Variants in ENKUR observed in about 807,000 individuals in gnomAD.
ENKUR encodes enkurin, TRPC channel interacting protein, also known as enkurin.
ENKUR carries 19 observed loss-of-function variants against 27.6 expected under a neutral mutation model. The ratio of observed to expected loss-of-function variants is 0.69; its 90% CI spans 0.48 to 1.01. The LOEUF (loss-of-function observed/expected upper bound fraction) is 1.01, where lower values mean the gene tolerates loss of function less well. Ranked by LOEUF, ENKUR falls within the 50% of genes least tolerant of loss-of-function variation. ENKUR has a pLI of 0.00. For synonymous variants in ENKUR, 117 were observed against 96.9 expected, an observed-to-expected ratio of 1.21 and a Z score of -1.22; for missense variants, 312 against 310.5, an observed-to-expected ratio of 1.00 and a Z score of -0.04.
At position 25,025,602 on chromosome 10, in the gene ENKUR, C is replaced by G. The variant is rs2132766552; in HGVS notation, c.38-29733G>C. The G allele has an allele frequency of 5.3e-6, 4 of 747,916 alleles. No individual in the cohort carries two copies. In the South Asian group the frequency reaches 7.9e-5, roughly 15 times the overall value. 46.3% of individuals were successfully genotyped at this position (747,916 alleles called of 1,614,324 possible). ...TCAAAAGTCTGATCTCTAGGGCTGA[C>G]ATGAGAACTCCATGTCACCTCCTCA... On this transcript the variant is annotated intron_variant, in intron 2 of 5. Coordinates refer to the ENKUR transcript ENST00000615958.
chr10:25,015,730 C>T (rs1850553658), intron 1 of ENKUR, 130 bp downstream of exon 1: 1 of 823,904 alleles, frequency 1.2e-6, no homozygotes, highest in South Asian at 3.4e-5. Context: ...ACAAGTTATC[C>T]TCCAAGGCTA....
chr10:25,042,379 C>G (rs1851074354), intron 2 of ENKUR, among the ~76,000 whole-genome samples: 1 of 151,842 alleles, frequency 6.6e-6, no homozygotes, highest in Admixed American at 6.6e-5. Context: ...ACTGCAACCT[C>G]CGCCTCCCGG....
intron 1 of ENKUR, among the ~76,000 whole-genome samples, chr10:25,007,117 T>C (rs1027799429): frequency 3.3e-5 from 5 of 152,342 alleles, no homozygotes; most frequent in East Asian, 3.9e-4. Flanking sequence ...CTGTAAAAAT[T>C]TGAGTCATCA....
chr10:25,057,146 A>G (rs1233197504), intron 2 of ENKUR, among the ~76,000 whole-genome samples: 1 of 152,218 alleles, frequency 6.6e-6, no homozygotes, highest in Non-Finnish European at 1.5e-5. Flanking sequence ...ATAATACAAA[A>G]TGTATGTACA....
In ENKUR at chr10:24,997,807, T is replaced by TTATATA. The variant is rs58973955; in HGVS notation, c.223+1588_223+1593dup. 9.0e-4 allele frequency among the ~76,000 whole-genome samples: 131 copies of TTATATA among 144,958 alleles called. 1 individual carries two copies. Among genetic ancestry groups the TTATATA allele is most frequent in the Middle Eastern group, 3.5e-3 (1 of 282 alleles). On this transcript the variant is annotated intron_variant, in intron 2 of 5. Transcript: ENST00000331161. Reference sequence around the variant, plus strand: ...TTTTTTCTTATTTGACACAAAGGATTTATATATATATATATATATGTTTGT... The same window carrying TTATATA: ...TTTTTTCTTATTTGACACAAAGGATTTATATATATATATATATATATATATGTTTGT...
At chr10:25,024,493 CAG>C in intron 2 of ENKUR, 1 of 1,614,148 alleles carries the variant, frequency 6.2e-7, no homozygotes, top group Non-Finnish European at 8.5e-7. Context: ...AATTGGCAGT[CAG>C]AGAGAAAATG....
intron 2 of ENKUR, among the ~76,000 whole-genome samples, chr10:25,032,183 G>A (rs1229512259): frequency 1.3e-5 from 2 of 152,090 alleles, no homozygotes; most frequent in Non-Finnish European, 1.5e-5. Context: ...TCAATTGCTG[G>A]ACTTCACTGT....
intron 2 of ENKUR, chr10:25,024,499 GAAAA>G: frequency 6.2e-7 from 1 of 1,614,212 alleles, no homozygotes. Context: ...CAGTCAGAGA[GAAAA>G]TGGATGGGCA....
At chr10:25,035,690 G>A (rs961575555) in intron 2 of ENKUR, among the ~76,000 whole-genome samples, 1 of 152,168 alleles carries the variant, frequency 6.6e-6, no homozygotes, top group Non-Finnish European at 1.5e-5. Flanking sequence ...GGAATGAACA[G>A]TCAGTAATTT....
intron 3 of ENKUR, among the ~76,000 whole-genome samples, chr10:24,994,043 C>A (rs1170610901): frequency 6.6e-6 from 1 of 152,120 alleles, no homozygotes; most frequent in Non-Finnish European, 1.5e-5. Context: ...CCTGAAGTAA[C>A]TTTATTGGCT....
rs79560443 is a variant in ENKUR at position 24,984,314 on chromosome 10, G to T, written c.*56C>A. ...ACAGTTTAGAGTAGCAAGAAGGCAC[G>T]TGTTACTATTTCCAGTTCAAAATAC... On this transcript the variant is annotated 3_prime_UTR_variant, in exon 6 of 6. Coordinates refer to ENST00000331161, the MANE Select transcript of ENKUR (RefSeq NM_145010.4). The T allele has an allele frequency of 3.2e-3, 5,038 of 1,566,814 alleles. 151 individuals carry two copies. In the African/African-American group the frequency reaches 0.062, roughly 19 times the overall value.
upstream of ENKUR, among the ~76,000 whole-genome samples, chr10:25,018,496 G>C (rs528042542): frequency 6.6e-6 from 1 of 152,244 alleles, no homozygotes; most frequent in South Asian, 2.1e-4. Context: ...AGACGGTACT[G>C]AACAAATATG....
intron 2 of ENKUR, among the ~76,000 whole-genome samples, chr10:25,027,280 C>T (rs184353913): frequency 1.3e-3 from 182 of 138,242 alleles, no homozygotes; most frequent in African/African-American, 4.6e-3. Context: ...GGCATGAACC[C>T]GGGAGGCGGA....
intron 2 of ENKUR, among the ~76,000 whole-genome samples, chr10:25,033,329 A>G (rs1850958045): frequency 1.4e-5 from 2 of 145,572 alleles, no homozygotes; most frequent in Admixed American, 7.2e-5. Flanking sequence ...GCTTGGGCTC[A>G]GGAATTTGAG....
intron 2 of ENKUR, among the ~76,000 whole-genome samples, chr10:25,053,699 T>G (rs1282355897): frequency 6.6e-6 from 1 of 152,198 alleles, no homozygotes; most frequent in Non-Finnish European, 1.5e-5. Context: ...TAATTTTCTG[T>G]TCTTGGTCAC....
chr10:24,996,962 A>G (rs1382095898), intron 2 of ENKUR, among the ~76,000 whole-genome samples: 1 of 152,218 alleles, frequency 6.6e-6, no homozygotes, highest in African/African-American at 2.4e-5. Context: ...TCCTTAGAAG[A>G]GGAAATTTGA....
At chr10:25,011,962 GA>G (rs1337681044) in intron 1 of ENKUR, among the ~76,000 whole-genome samples, 1 of 152,186 alleles carries the variant, frequency 6.6e-6, no homozygotes, top group African/African-American at 2.4e-5. Flanking sequence ...AGACCTAGGA[GA>G]AAAAATGGTT....
chr10:24,993,158 AGAAAG>A (rs753884755), intron 3 of ENKUR, among the ~76,000 whole-genome samples: 23 of 152,308 alleles, frequency 1.5e-4, no homozygotes, highest in Middle Eastern at 3.4e-3. Context: ...GTTTTTAAAA[AGAAAG>A]GGAATGGTGT....
chr10:24,984,191 T>C lies in ENKUR; in HGVS notation c.*179A>G. 3.3e-6 allele frequency: 2 copies of C among 609,130 alleles called. No homozygotes were observed. The highest frequency in any genetic ancestry group is 3.3e-5 in the Admixed American group (1 of 30,166). The allele number at this position is 609,130 out of a possible 1,614,324, so 37.7% of individuals were successfully genotyped here. A position where few individuals can be genotyped will look rare whatever the true frequency, so the allele number is the denominator to read the frequency against. On this transcript the variant is annotated 3_prime_UTR_variant, in exon 6 of 6. Coordinates refer to ENST00000331161, the MANE Select transcript of ENKUR (RefSeq NM_145010.4). Reference sequence around the variant, plus strand: ...CTTTCATCATATACAGTGTTACGAATACTGAAAATATTTCTCACTGGGAAT... The same window carrying C: ...CTTTCATCATATACAGTGTTACGAACACTGAAAATATTTCTCACTGGGAAT...
Sources: allele counts gnomAD v4.1 joint callset (sites outside exome capture counted in the v4.1 genomes callset), GRCh38; gene constraint gnomAD v4.1.1; transcripts MANE v1.5; gene names NCBI Gene and HGNC (gene_info 2026-07-23, HGNC 2026-07-21).